Variants in IQGAP2 observed in about 807,000 individuals in gnomAD.
IQGAP2 encodes the protein IQ motif containing GTPase activating protein 2, also known as ras GTPase-activating-like protein IQGAP2.
In IQGAP2, 173 loss-of-function variants were observed where a neutral mutation model predicts 201.3. The observed-to-expected ratio is 0.86, with a 90% confidence interval of 0.76 to 0.98. The LOEUF is 0.98. Ranked by LOEUF, IQGAP2 falls within the 50% of genes least tolerant of loss-of-function variation. IQGAP2 has a pLI of 0.00. For missense variants in IQGAP2, 1,687 were observed against 1,864.8 expected, an observed-to-expected ratio of 0.90 and a Z score of 1.76; for synonymous variants, 675 against 673.9, an observed-to-expected ratio of 1.00 and a Z score of -0.03.
chr5:76,702,691 A>AGAAAACCAGTGACAGCCTTATTTGCC, intron 35 of IQGAP2, 101 bp downstream of exon 35: 2 of 603,516 alleles, frequency 3.3e-6, no homozygotes, highest in South Asian at 2.3e-5. Flanking sequence ...AAAGTTTAAC[A>AGAAAACCAGTGACAGCCTTATTTGCC]GAAAACCAGT....
chr5:76,677,504 CTT>C (rs1174178789), intron 28 of IQGAP2, 154 bp downstream of exon 28: 7 of 516,610 alleles, frequency 1.4e-5, no homozygotes, highest in Non-Finnish European at 2.2e-5. Context: ...TTCCATGACT[CTT>C]ATACATTAAT....
At chr5:76,407,389 A>G (rs1750855732) in intron 1 of IQGAP2, among the ~76,000 whole-genome samples, 1 of 152,208 alleles carries the variant, frequency 6.6e-6, no homozygotes, top group Non-Finnish European at 1.5e-5. Context: ...TCCATCTACG[A>G]TGACCAATCT....
intron 31 of IQGAP2, among the ~76,000 whole-genome samples, chr5:76,694,294 A>T (rs1325955536): frequency 6.6e-6 from 1 of 152,164 alleles, no homozygotes; most frequent in East Asian, 1.9e-4. Flanking sequence ...TTAATAAAAA[A>T]TGTAAAGCAA....
intron 1 of IQGAP2, among the ~76,000 whole-genome samples, chr5:76,426,905 G>GGTGTGTGTGTGTGTGTGTGTGT (rs141560559): frequency 2.2e-4 from 33 of 146,696 alleles, no homozygotes; most frequent in African/African-American, 3.0e-4. Flanking sequence ...AACCATGGAG[G>GGTGTGTGTGTGTGTGTGTGTGT]GTGTGTGTGT....
Position 76,635,617 on chromosome 5 carries a change from C to T in IQGAP2, c.1781-1417C>T, listed in dbSNP as rs113097343. ...CAGCACTTTGGGCGGCTGAGGTGAG[C>T]GGATTGCTTGACCCCAGGAGTTTGA... is the stretch of plus-strand genomic sequence containing the variant. On this transcript the variant is annotated intron_variant, in intron 15 of 35. Coordinates refer to ENST00000274364, the MANE Select transcript of IQGAP2 (RefSeq NM_006633.5). Among the ~76,000 whole-genome samples, 1,349 of 152,106 alleles carry T rather than the reference C, an allele frequency of 8.9e-3. 16 individuals carry two copies. Among genetic ancestry groups the T allele is most frequent in the African/African-American group, 0.03 (1,259 of 41,486 alleles).
chr5:76,590,727 G>A, intron 8 of IQGAP2, 141 bp downstream of exon 8: 2 of 670,594 alleles, frequency 3.0e-6, no homozygotes, highest in Non-Finnish European at 4.9e-6. Flanking sequence ...TGAATGAAAT[G>A]TAGCATACAA....
At chr5:76,436,623 C>T (rs1752722010) in intron 1 of IQGAP2, among the ~76,000 whole-genome samples, 1 of 140,240 alleles carries the variant, frequency 7.1e-6, no homozygotes, top group Non-Finnish European at 1.5e-5. Context: ...CTCTGCCTCC[C>T]AGGTTCAAGT....
intron 2 of IQGAP2, among the ~76,000 whole-genome samples, chr5:76,494,885 C>A (rs1756791245): frequency 6.6e-6 from 1 of 152,150 alleles, no homozygotes; most frequent in African/African-American, 2.4e-5. Context: ...GCTAGCCTGC[C>A]ATCTTATAAG....
chr5:76,700,216 T>G (rs1747241914), intron 33 of IQGAP2, among the ~76,000 whole-genome samples: 1 of 152,174 alleles, frequency 6.6e-6, no homozygotes, highest in African/African-American at 2.4e-5. Flanking sequence ...GGGTTCTGAT[T>G]CTCTCTTATG....
At chr5:76,597,893 A>G (rs1747151835) in intron 10 of IQGAP2, among the ~76,000 whole-genome samples, 1 of 152,216 alleles carries the variant, frequency 6.6e-6, no homozygotes, top group African/African-American at 2.4e-5. Flanking sequence ...GACACCTTGG[A>G]TAAATTTTAG....
intron 1 of IQGAP2, among the ~76,000 whole-genome samples, chr5:76,437,145 G>A (rs1752753806): frequency 6.6e-6 from 1 of 151,662 alleles, no homozygotes; most frequent in African/African-American, 2.4e-5. Flanking sequence ...TCTGCCTTTT[G>A]GGTTCAAGTG....
At chr5:76,657,898 G>A (rs1380306648) in intron 20 of IQGAP2, among the ~76,000 whole-genome samples, 1 of 152,178 alleles carries the variant, frequency 6.6e-6, no homozygotes, top group Non-Finnish European at 1.5e-5. Flanking sequence ...TTTTATTTCA[G>A]CTAAGTAGAA....
intron 1 of IQGAP2, among the ~76,000 whole-genome samples, chr5:76,416,371 C>G (rs1751403762): frequency 6.6e-6 from 1 of 152,188 alleles, no homozygotes; most frequent in Admixed American, 6.5e-5. Context: ...CTGCCACTGG[C>G]CCCAGCATTA....
At chr5:76,535,784 G>A (rs753470034) in intron 2 of IQGAP2, among the ~76,000 whole-genome samples, 5 of 152,124 alleles carry the variant, frequency 3.3e-5, no homozygotes, top group Non-Finnish European at 7.4e-5. Flanking sequence ...CCGGCAGTGC[G>A]CCCAGAGTAA....
intron 16 of IQGAP2, among the ~76,000 whole-genome samples, chr5:76,639,032 A>C (rs1751363818): frequency 6.6e-6 from 1 of 152,270 alleles, no homozygotes; most frequent in Non-Finnish European, 1.5e-5. Flanking sequence ...AAATACCCAA[A>C]GAATGTGTAG....
intron 13 of IQGAP2, among the ~76,000 whole-genome samples, chr5:76,622,559 A>G (rs920791886): frequency 6.6e-6 from 1 of 152,238 alleles, no homozygotes; most frequent in African/African-American, 2.4e-5. Flanking sequence ...AGGAGGTTTC[A>G]GGCTAACATT....
intron 28 of IQGAP2, among the ~76,000 whole-genome samples, chr5:76,679,398 G>A (rs1745092699): frequency 6.6e-6 from 1 of 152,168 alleles, no homozygotes; most frequent in South Asian, 2.1e-4. Flanking sequence ...GATGTAATGT[G>A]GGGAAATTGT....
At chr5:76,521,827 G>A (rs144054388) in intron 2 of IQGAP2, among the ~76,000 whole-genome samples, 1 of 152,294 alleles carries the variant, frequency 6.6e-6, no homozygotes, top group East Asian at 1.9e-4. Context: ...ATAGATCTGG[G>A]ATAGGTCTGA....
intron 1 of IQGAP2, among the ~76,000 whole-genome samples, chr5:76,438,500 T>C (rs1306454393): frequency 6.6e-6 from 1 of 152,090 alleles, no homozygotes; most frequent in Non-Finnish European, 1.5e-5. Flanking sequence ...TGGAGTGCCA[T>C]GTCATGATCT....
Sources: gnomAD v4.1 joint callset for allele counts (sites outside exome capture counted in the v4.1 genomes callset) on GRCh38, gnomAD v4.1.1 for gene constraint, MANE v1.5 for transcripts, NCBI Gene and HGNC (gene_info 2026-07-23, HGNC 2026-07-21) for gene names.